The following PHACTR2 variants were observed in gnomAD, a reference collection of about 807,000 sequenced individuals.
The protein encoded by PHACTR2 is phosphatase and actin regulator 2.
A neutral mutation model predicts 76.0 loss-of-function variants in PHACTR2; 30 were observed. That is an observed-to-expected ratio of 0.39 (90% CI 0.30 to 0.54). The LOEUF is 0.54. Among genes scored for constraint, PHACTR2 ranks in the 20% least tolerant of loss-of-function variants. The probability of loss-of-function intolerance (pLI) is 0.61; values close to 1 mark genes in which losing one functional copy is unlikely to be tolerated. For synonymous variants in PHACTR2, 292 were observed against 292.5 expected (o/e 1.00, Z 0.02); for missense variants, 696 against 781.1 (o/e 0.89, Z 1.30).
chr6:143,621,679 G>A lies in PHACTR2; in HGVS notation c.13+13357G>A, dbSNP rs2128440114. Among the ~76,000 whole-genome samples the A allele has an allele frequency of 6.6e-6, 1 of 152,294 alleles. No individual in the cohort carries two copies. The highest frequency in any genetic ancestry group is 1.9e-4 in the East Asian group (1 of 5,188). The stretch of plus-strand genomic sequence containing the variant: ...TCTACCTGCTGGTATGGGGCCTTGG[G>A]CATATCCATGAGCCTCACTTTCCTC... On this transcript the variant is annotated intron_variant, in intron 1 of 11. Coordinates refer to the PHACTR2 transcript ENST00000305766. This position sits in a 1 kb window ranked among gnomAD's most constrained non-coding sequence, Gnocchi z 4.1.
rs946686356 is a variant in PHACTR2, at chr6:143,761,496, G to A, written c.694+856G>A. 3.9e-5 allele frequency among the ~76,000 whole-genome samples: 6 copies of A among 152,078 alleles called. No homozygotes were observed. The highest frequency in any genetic ancestry group is 5.9e-5 in the Non-Finnish European group (4 of 68,018). On this transcript the variant is annotated intron_variant, in intron 5 of 12. Transcript: ENST00000440869. This position sits in a 1 kb window ranked among gnomAD's most constrained non-coding sequence, Gnocchi z 5.2. The stretch of plus-strand genomic sequence containing the variant: ...AGGCCAGGCCCAGTGGCTCACACCC[G>A]TAATCCCAGCACTTTGGGAGGCTGA...
At chr6:143,810,024 T>G (rs1272166054) in intron 12 of PHACTR2, among the ~76,000 whole-genome samples, 1 of 151,980 alleles carries the variant, frequency 6.6e-6, no homozygotes, top group Admixed American at 6.6e-5. Flanking sequence ...GGTGGGAGGA[T>G]CACTTGATCC....
At chr6:143,657,871 TCTC>T (rs771237153) in intron 1 of PHACTR2, among the ~76,000 whole-genome samples, 1 of 152,112 alleles carries the variant, frequency 6.6e-6, no homozygotes, top group South Asian at 2.1e-4. Context: ...GCAGGGAAGT[TCTC>T]CTTATAAAAA....
At chr6:143,788,684 T>A in intron 10 of PHACTR2, 89 bp from the exon 11 acceptor site, 6 of 867,378 alleles carry the variant, frequency 6.9e-6, no homozygotes, top group Non-Finnish European at 1.0e-5. Context: ...TATTTAACCA[T>A]AACTTTGAAG....
At position 143,662,476 on chromosome 6, in the gene PHACTR2, C is replaced by T. The variant is rs903786633; in HGVS notation, c.14-49540C>T. ...TACAAATAAAAAATATTACAGATAT[C>T]TATTTACTCTTCAGAAAGTAAAAAT... On this transcript the variant is annotated intron_variant, in intron 1 of 11. Coordinates refer to the PHACTR2 transcript ENST00000305766. This position sits in a 1 kb window ranked among gnomAD's most constrained non-coding sequence, Gnocchi z 4.7. Among the ~76,000 whole-genome samples, 1 of 152,162 alleles carries T rather than the reference C, an allele frequency of 6.6e-6. No homozygotes were observed. Among genetic ancestry groups the T allele is most frequent in the African/African-American group, 2.4e-5 (1 of 41,446 alleles).
upstream of PHACTR2, among the ~76,000 whole-genome samples, chr6:143,675,374 G>A (rs1444180095): frequency 6.6e-6 from 1 of 152,196 alleles, no homozygotes; most frequent in Non-Finnish European, 1.5e-5. This position sits in a 1 kb window ranked among gnomAD's most constrained non-coding sequence, Gnocchi z 4.9. Flanking sequence ...AAAAGTAGCG[G>A]TGTGCTGAAG....
chr6:143,702,194 G>A (rs535218875), intron 1 of PHACTR2, among the ~76,000 whole-genome samples: 25 of 131,960 alleles, frequency 1.9e-4, no homozygotes, highest in Admixed American at 1.8e-3. Flanking sequence ...TGCAACCTCC[G>A]CCTTCCTGGT....
At chr6:143,781,885 T>G (rs1180871540) in intron 9 of PHACTR2, among the ~76,000 whole-genome samples, 2 of 152,254 alleles carry the variant, frequency 1.3e-5, no homozygotes, top group Non-Finnish European at 2.9e-5. Context: ...GATTACAGTT[T>G]ATGTCCACTC....
In PHACTR2 at chr6:143,830,418, A is replaced by G. The variant is rs1776643616; in HGVS notation, c.*6729A>G. ...TATCAGACTGACTGAATGCTTTCTG[A>G]TTTCCAGTGAGTGATCTAGTTCTAC... is the stretch of plus-strand genomic sequence containing the variant. On this transcript the variant is annotated 3_prime_UTR_variant, in exon 13 of 13. Coordinates refer to ENST00000440869, the MANE Select transcript of PHACTR2 (RefSeq NM_001100164.2). 1 of 151,550 alleles carries G rather than the reference A, an allele frequency of 6.6e-6. No homozygotes were observed. The highest frequency in any genetic ancestry group is 6.6e-5 in the Admixed American group (1 of 15,140). The allele number at this position is 151,550 out of a possible 1,614,324, so 9.4% of individuals were successfully genotyped here.
chr6:143,715,268 T>C (rs1284432511), intron 2 of PHACTR2, among the ~76,000 whole-genome samples: 1 of 152,212 alleles, frequency 6.6e-6, no homozygotes, highest in Non-Finnish European at 1.5e-5. Context: ...AAAGCTACCA[T>C]TGTCTTGTTT....
Position 143,539,192 on chromosome 6 carries a change from T to C in PHACTR2, c.217+1985T>C, listed in dbSNP as rs1262620736. ...AACCATGGGCTCCAATTTATAAAATTATTTTACTTCTGAGGACTCTTTGTC... is the reference window on the plus strand; with the variant it reads ...AACCATGGGCTCCAATTTATAAAATCATTTTACTTCTGAGGACTCTTTGTC... On this transcript the variant is annotated intron_variant, in intron 1 of 11. Coordinates refer to the PHACTR2 transcript ENST00000367584. This position sits in a 1 kb window ranked among gnomAD's most constrained non-coding sequence, Gnocchi z 4.3. Among the ~76,000 whole-genome samples, 1 of 152,242 alleles carries C rather than the reference T, an allele frequency of 6.6e-6. No homozygotes were observed. Among genetic ancestry groups the C allele is most frequent in the East Asian group, 1.9e-4 (1 of 5,206 alleles).
intron 1 of PHACTR2, among the ~76,000 whole-genome samples, chr6:143,626,297 G>A (rs1294859303): frequency 6.6e-6 from 1 of 152,128 alleles, no homozygotes; most frequent in African/African-American, 2.4e-5. Flanking sequence ...CAGCACTTTG[G>A]GAGGCCGAGA....
At chr6:143,723,971 T>G (rs1424327238) in intron 2 of PHACTR2, among the ~76,000 whole-genome samples, 1 of 149,130 alleles carries the variant, frequency 6.7e-6, no homozygotes, top group Non-Finnish European at 1.5e-5. Flanking sequence ...TCTTTTTTTC[T>G]TTTTTTTTTG....
Position 143,753,660 on chromosome 6 carries a change from A to G in PHACTR2, c.296-94A>G. On this transcript the variant is annotated intron_variant, in intron 3 of 12. Coordinates refer to ENST00000440869, the MANE Select transcript of PHACTR2 (RefSeq NM_001100164.2). This position sits in a 1 kb window ranked among gnomAD's most constrained non-coding sequence, Gnocchi z 4.6. ...GTGTATTTGGTTCCCAGGGACTGAA[A>G]CATGAATCTAAATTTTACAATCCTA... is the stretch of plus-strand genomic sequence containing the variant. 1.2e-6 allele frequency: 1 copy of G among 837,576 alleles called. No homozygotes were observed. Among genetic ancestry groups the G allele is most frequent in the Non-Finnish European group, 1.9e-6 (1 of 533,722 alleles). 51.9% of individuals were successfully genotyped at this position (837,576 alleles called of 1,614,324 possible).
intron 1 of PHACTR2, among the ~76,000 whole-genome samples, chr6:143,576,392 A>G (rs1216879749): frequency 6.6e-6 from 1 of 152,256 alleles, no homozygotes; most frequent in Non-Finnish European, 1.5e-5. Context: ...ATTAATTCAA[A>G]AAGAAGCTGT....
rs146476550 is a variant in PHACTR2 at position 143,632,804 on chromosome 6, A to G, written c.13+24482A>G. Among the ~76,000 whole-genome samples, 270 of 152,220 alleles carry G rather than the reference A, an allele frequency of 1.8e-3. 1 individual carries two copies. Among genetic ancestry groups the G allele is most frequent in the South Asian group, 8.3e-3 (40 of 4,816 alleles). ...AATCCTGGCAACCACTGACCTTTTT[A>G]CTGTCTCCATAGTTTTGCCTTTTTC... On this transcript the variant is annotated intron_variant, in intron 1 of 11. Transcript: ENST00000305766.
intron 10 of PHACTR2, 70 bp from the exon 11 acceptor site, chr6:143,788,703 A>G (rs899646856): frequency 5.7e-5 from 76 of 1,322,418 alleles, no homozygotes; most frequent in Admixed American, 1.4e-4. Flanking sequence ...AGTGTTCTCT[A>G]TAGAAAACTT....
At position 143,760,290 on chromosome 6, in the gene PHACTR2, T is replaced by C. The variant is rs754845358; in HGVS notation, c.455-111T>C. Reference sequence around the variant, plus strand: ...GTCTGGTGCAGAACTCCATGCTGATTCTCAAGTACCAAGCAGACACGCTTT... The same window carrying C: ...GTCTGGTGCAGAACTCCATGCTGATCCTCAAGTACCAAGCAGACACGCTTT... On this transcript the variant is annotated intron_variant, in intron 4 of 12. Transcript: ENST00000440869. The surrounding 1 kb of genome is among the most constrained non-coding windows in gnomAD (Gnocchi z 6.4). 1.1e-6 allele frequency: 1 copy of C among 948,202 alleles called. No homozygotes were observed. Among genetic ancestry groups the C allele is most frequent in the Non-Finnish European group, 1.6e-6 (1 of 635,502 alleles). The allele number at this position is 948,202 out of a possible 1,614,324, so 58.7% of individuals were successfully genotyped here.
At position 143,791,748 on chromosome 6, in the gene PHACTR2, G is replaced by T. The variant is rs1327202993; in HGVS notation, c.1845+2838G>T. ...TTAATTTTGCTTCATTTATTGTGAG[G>T]TGTATCATTAGATATATATGTTTAG... On this transcript the variant is annotated intron_variant, in intron 11 of 12. Transcript: ENST00000440869. This position sits in a 1 kb window ranked among gnomAD's most constrained non-coding sequence, Gnocchi z 4.7. Among the ~76,000 whole-genome samples the T allele has an allele frequency of 6.6e-6, 1 of 151,628 alleles. No individual in the cohort carries two copies. Among genetic ancestry groups the T allele is most frequent in the Admixed American group, 6.6e-5 (1 of 15,216 alleles).
Sources: allele counts gnomAD v4.1 joint callset (sites outside exome capture counted in the v4.1 genomes callset), GRCh38; gene constraint gnomAD v4.1.1; non-coding constraint Gnocchi (gnomAD v3.1); transcripts MANE v1.5; gene names NCBI Gene and HGNC (gene_info 2026-07-23, HGNC 2026-07-21).